SNX27: variants seen among roughly 807,000 people sequenced by gnomAD.
SNX27 encodes sorting nexin-27.
A neutral mutation model predicts 71.6 loss-of-function variants in SNX27; 22 were observed. That is an observed-to-expected ratio of 0.31 (90% CI 0.22 to 0.44). SNX27 has a LOEUF of 0.44. Among genes scored for constraint, SNX27 ranks in the 20% least tolerant of loss-of-function variants. SNX27 has a pLI of 1.00. For synonymous variants in SNX27, 269 were observed against 277.2 expected, an observed-to-expected ratio of 0.97 and a Z score of 0.29; for missense variants, 531 against 698.6, an observed-to-expected ratio of 0.76 and a Z score of 2.70.
intron 2 of SNX27, among the ~76,000 whole-genome samples, chr1:151,650,049 G>A (rs2102655969): frequency 6.6e-6 from 1 of 152,034 alleles, no homozygotes; most frequent in South Asian, 2.1e-4. Flanking sequence ...CACCACACCC[G>A]GCTAATTTTT....
chr1:151,661,468 T>C (rs1394069053), intron 4 of SNX27: 1 of 152,392 alleles, frequency 6.6e-6, no homozygotes, highest in African/African-American at 2.4e-5. Context: ...TTTCAGGCAA[T>C]GAGTAGTACT....
chr1:151,617,297 A>T (rs1168104441), intron 1 of SNX27, among the ~76,000 whole-genome samples: 1 of 148,130 alleles, frequency 6.8e-6, no homozygotes, highest in Non-Finnish European at 1.5e-5. Flanking sequence ...ATTTATTTAG[A>T]GACAGCGTTT....
chr1:151,618,112 C>T (rs1430703264), intron 1 of SNX27, among the ~76,000 whole-genome samples: 1 of 151,718 alleles, frequency 6.6e-6, no homozygotes, highest in African/African-American at 2.4e-5. Flanking sequence ...GTGATCTGCC[C>T]ACTTTGGCCT....
intron 1 of SNX27, among the ~76,000 whole-genome samples, chr1:151,627,052 G>A (rs533356446): frequency 2.0e-5 from 3 of 152,214 alleles, no homozygotes; most frequent in Non-Finnish European, 4.4e-5. Context: ...AGGCCATTTC[G>A]GCTGACAGCA....
chr1:151,640,539 TAA>T (rs1668676187), intron 2 of SNX27, among the ~76,000 whole-genome samples: 1 of 151,920 alleles, frequency 6.6e-6, no homozygotes, highest in Admixed American at 6.6e-5. Flanking sequence ...CATGCCCTGC[TAA>T]GTTTTGTATT....
intron 2 of SNX27, among the ~76,000 whole-genome samples, chr1:151,650,264 C>T (rs991645240): frequency 1.3e-5 from 2 of 152,148 alleles, no homozygotes; most frequent in African/African-American, 2.4e-5. Flanking sequence ...TCAGCCTCAG[C>T]AATCCTCCTT....
intron 7 of SNX27, among the ~76,000 whole-genome samples, chr1:151,670,370 T>G (rs1670409039): frequency 6.6e-6 from 1 of 152,208 alleles, no homozygotes; most frequent in Non-Finnish European, 1.5e-5. Context: ...AATGTGGATA[T>G]CTCTTCAAAA....
chr1:151,658,499 A>G, intron 3 of SNX27, 72 bp downstream of exon 3: 1 of 1,432,784 alleles, frequency 7.0e-7, no homozygotes, highest in Non-Finnish European at 9.5e-7. Context: ...TAAACTGCAT[A>G]GCTGAATTTC....
intron 7 of SNX27, chr1:151,669,177 A>C (rs1670347846): frequency 6.6e-6 from 1 of 152,374 alleles, no homozygotes; most frequent in South Asian, 2.1e-4. Context: ...ACTATTGAAG[A>C]TGAGACACCA....
intron 8 of SNX27, 150 bp downstream of exon 8, chr1:151,683,595 A>G: frequency 2.7e-6 from 1 of 368,352 alleles, no homozygotes; most frequent in Non-Finnish European, 5.1e-6. Flanking sequence ...TGCAAAGTCC[A>G]TTGTGTTTCT....
intron 1 of SNX27, among the ~76,000 whole-genome samples, chr1:151,613,638 T>C (rs1056327969): frequency 2.6e-5 from 4 of 151,530 alleles, no homozygotes; most frequent in Non-Finnish European, 4.4e-5. Flanking sequence ...TCCCCCTTCA[T>C]ACGCCTCCCC....
chr1:151,625,031 A>G, intron 1 of SNX27, among the ~76,000 whole-genome samples: 1 of 152,212 alleles, frequency 6.6e-6, no homozygotes, highest in South Asian at 2.1e-4. Context: ...GTCAAAGGTA[A>G]AAAGTCCCAG....
intron 2 of SNX27, among the ~76,000 whole-genome samples, chr1:151,650,754 C>T (rs937930473): frequency 6.7e-6 from 1 of 150,114 alleles, no homozygotes; most frequent in Admixed American, 6.6e-5. Flanking sequence ...TGCGGCCTTC[C>T]GCAGTGTTTG....
At chr1:151,660,543 T>C in intron 3 of SNX27, 1 of 384,124 alleles carries the variant, frequency 2.6e-6, no homozygotes, top group Non-Finnish European at 4.8e-6. Flanking sequence ...TATTTCTCCC[T>C]CTGGTTATGT....
intron 2 of SNX27, among the ~76,000 whole-genome samples, chr1:151,657,781 A>T (rs990045471): frequency 6.6e-6 from 1 of 152,130 alleles, no homozygotes; most frequent in Non-Finnish European, 1.5e-5. Context: ...TGGGTGGATC[A>T]CCTGAGGTCA....
At chr1:151,643,264 TTTTATTTATTTATTTATTTATTTA>T (rs201505831) in intron 2 of SNX27, among the ~76,000 whole-genome samples, 3 of 139,192 alleles carry the variant, frequency 2.2e-5, no homozygotes, top group African/African-American at 8.1e-5. Context: ...ACGCCTGGCC[TTTTATTTATTTATTTATTTATTTA>T]TTTATTTATT....
intron 5 of SNX27, among the ~76,000 whole-genome samples, chr1:151,663,351 TGTGTTAGCCAGGATG>T (rs2102685983): frequency 6.6e-6 from 1 of 152,010 alleles, no homozygotes; most frequent in South Asian, 2.1e-4. Context: ...GGGGTTTCAC[TGTGTTAGCCAGGATG>T]GTCTGAATCT....
intron 5 of SNX27, among the ~76,000 whole-genome samples, chr1:151,663,606 T>C (rs905676297): frequency 6.6e-6 from 1 of 152,206 alleles, no homozygotes; most frequent in African/African-American, 2.4e-5. Context: ...TGTCATTTAA[T>C]AATGTCCTTC....
At chr1:151,689,756 A>C (rs1671351819) in intron 8 of SNX27, among the ~76,000 whole-genome samples, 1 of 152,128 alleles carries the variant, frequency 6.6e-6, no homozygotes, top group Admixed American at 6.5e-5. Context: ...AAAGTTTCTG[A>C]TGACTATGTT....
Sources: allele counts gnomAD v4.1 joint callset (sites outside exome capture counted in the v4.1 genomes callset), GRCh38; gene constraint gnomAD v4.1.1; transcripts MANE v1.5; gene names NCBI Gene and HGNC (gene_info 2026-07-23, HGNC 2026-07-21).